Variants in PTTG1IP observed in about 807,000 individuals in gnomAD.
The protein encoded by PTTG1IP is PTTG1 interacting protein.
In PTTG1IP, 16 loss-of-function variants were observed where a neutral mutation model predicts 24.4. That is an observed-to-expected ratio of 0.66 (90% CI 0.44 to 1.00). PTTG1IP has a LOEUF of 1.00. Among genes scored for constraint, PTTG1IP ranks in the 50% least tolerant of loss-of-function variants. PTTG1IP has a pLI of 0.00. For synonymous variants in PTTG1IP, 89 were observed against 96.8 expected, an observed-to-expected ratio of 0.92 and a Z score of 0.47; for missense variants, 241 against 245.8, an observed-to-expected ratio of 0.98 and a Z score of 0.13.
intron 5 of PTTG1IP, among the ~76,000 whole-genome samples, chr21:44,853,963 G>A (rs939144879): frequency 2.0e-5 from 3 of 152,224 alleles, no homozygotes; most frequent in East Asian, 1.9e-4. Context: ...GTCACATGGA[G>A]GTGACTTTCC....
chr21:44,861,715 CCCT>C (rs911163320), intron 2 of PTTG1IP: 3 of 716,536 alleles, frequency 4.2e-6, no homozygotes, highest in Admixed American at 4.0e-5. Context: ...CGCCTCCACC[CCCT>C]CCTCCTCACC....
intron 4 of PTTG1IP, 100 bp downstream of exon 4, chr21:44,856,093 A>C: frequency 6.2e-7 from 1 of 1,607,076 alleles, no homozygotes. Context: ...AATTTCTAAA[A>C]ACTGAGGAAA....
intron 1 of PTTG1IP, among the ~76,000 whole-genome samples, chr21:44,867,237 T>G (rs1382758985): frequency 6.6e-6 from 1 of 152,244 alleles, no homozygotes; most frequent in Non-Finnish European, 1.5e-5. Context: ...TAGGCGGCTG[T>G]GCAATCACTA....
At chr21:44,854,433 T>C (rs966709563) in intron 5 of PTTG1IP, among the ~76,000 whole-genome samples, 6 of 151,928 alleles carry the variant, frequency 3.9e-5, no homozygotes, top group Non-Finnish European at 8.8e-5. Flanking sequence ...GTTCCCACCA[T>C]GTCCATGACG....
intron 5 of PTTG1IP, among the ~76,000 whole-genome samples, chr21:44,852,796 G>C (rs77774700): frequency 1.4e-3 from 206 of 152,302 alleles, no homozygotes; most frequent in African/African-American, 4.7e-3. Context: ...ACCAAAAGAA[G>C]GGTTTTTGCG....
At chr21:44,867,807 T>C (rs1160388612) in intron 1 of PTTG1IP, among the ~76,000 whole-genome samples, 2 of 152,098 alleles carry the variant, frequency 1.3e-5, no homozygotes, top group Non-Finnish European at 2.9e-5. Context: ...CATGATGAAA[T>C]GGAGGGAAAA....
At chr21:44,853,169 TGCGCGTGTGC>T (rs1175500808) in intron 5 of PTTG1IP, among the ~76,000 whole-genome samples, 3 of 151,998 alleles carry the variant, frequency 2.0e-5, no homozygotes, top group Non-Finnish European at 4.4e-5. Flanking sequence ...TGTGCGTGTG[TGCGCGTGTGC>T]GTGTGTGTGT....
rs142450794 is a variant in PTTG1IP at position 44,856,255 on chromosome 21, C to T, written c.387G>A (p.Pro129=). The T allele has an allele frequency of 1.6e-4, 251 of 1,614,134 alleles. 1 individual carries two copies. The African/African-American group carries it at 2.7e-3, about 18-fold the overall frequency. ...CCCRRKRSRK[P]DRSEEKAMRE... The stretch of plus-strand genomic sequence containing the variant: ...GCATGGCCTTCTCCTCACTCCTGTC[C>T]GGCTTCCGGCTCCTCTTCCTCCTGC... The change falls in exon 4 of 6, where the codon CCG becomes CCA. Residue 129 remains proline (P), a synonymous_variant. Coordinates refer to ENST00000330938, the MANE Select transcript of PTTG1IP (RefSeq NM_004339.4).
intron 1 of PTTG1IP, among the ~76,000 whole-genome samples, chr21:44,872,457 C>T (rs2083595029): frequency 6.6e-6 from 1 of 152,162 alleles, no homozygotes; most frequent in Admixed American, 6.6e-5. Context: ...GGGCCCAGGT[C>T]AACCCTAATT....
At chr21:44,858,984 T>G (rs191069483) in intron 3 of PTTG1IP, among the ~76,000 whole-genome samples, 1 of 152,234 alleles carries the variant, frequency 6.6e-6, no homozygotes, top group Admixed American at 6.5e-5. Flanking sequence ...AACACAAATA[T>G]GCTCCGTGAC....
intron 1 of PTTG1IP, among the ~76,000 whole-genome samples, chr21:44,870,074 G>A (rs2083571966): frequency 6.6e-6 from 1 of 152,202 alleles, no homozygotes; most frequent in Non-Finnish European, 1.5e-5. Context: ...AGGCATGAGA[G>A]GAAGAGGGAG....
chr21:44,867,152 G>C (rs1288128928), intron 1 of PTTG1IP, among the ~76,000 whole-genome samples: 1 of 152,200 alleles, frequency 6.6e-6, no homozygotes, highest in Non-Finnish European at 1.5e-5. Flanking sequence ...TGCGGCTCTC[G>C]TATCAAGGGA....
intron 2 of PTTG1IP, among the ~76,000 whole-genome samples, chr21:44,862,531 A>G (rs963414191): frequency 6.6e-6 from 1 of 152,170 alleles, no homozygotes; most frequent in African/African-American, 2.4e-5. Flanking sequence ...AAAGGAAAAA[A>G]AAAAGAACTG....
chr21:44,868,210 C>T (rs1440542073), intron 1 of PTTG1IP, among the ~76,000 whole-genome samples: 1 of 152,206 alleles, frequency 6.6e-6, no homozygotes, highest in East Asian at 1.9e-4. Context: ...GCACTGCTGA[C>T]GTTCCCAAGT....
chr21:44,867,937 G>A (rs182893), intron 1 of PTTG1IP, among the ~76,000 whole-genome samples: 57,585 of 152,156 alleles, frequency 0.38, 13,715 homozygotes, highest in African/African-American at 0.68. Context: ...CCACTTTTCT[G>A]AATAAATCTC....
At chr21:44,873,439 C>T (rs1468608364) in intron 1 of PTTG1IP, 63 bp downstream of exon 1, 3 of 1,251,614 alleles carry the variant, frequency 2.4e-6, no homozygotes, top group Non-Finnish European at 3.0e-6. Context: ...CGACCCCGAC[C>T]CCGACCTGGA....
intron 1 of PTTG1IP, among the ~76,000 whole-genome samples, chr21:44,868,630 AT>A (rs1231061392): frequency 6.6e-6 from 1 of 152,202 alleles, no homozygotes; most frequent in Admixed American, 6.5e-5. Flanking sequence ...AAAATAAATG[AT>A]AACAGTCATG....
At chr21:44,853,085 G>A (rs759454806) in intron 5 of PTTG1IP, among the ~76,000 whole-genome samples, 15 of 152,222 alleles carry the variant, frequency 9.9e-5, no homozygotes, top group Non-Finnish European at 1.5e-4. Flanking sequence ...CACACCCGCT[G>A]GGAGTCAGGG....
chr21:44,858,410 C>T (rs1042087742), intron 3 of PTTG1IP, among the ~76,000 whole-genome samples: 12 of 152,242 alleles, frequency 7.9e-5, no homozygotes, highest in Non-Finnish European at 1.2e-4. Flanking sequence ...ACTCTGCTCC[C>T]GTGGGCAAGG....
Sources: gnomAD v4.1 joint callset for allele counts (sites outside exome capture counted in the v4.1 genomes callset) on GRCh38, gnomAD v4.1.1 for gene constraint, MANE v1.5 for transcripts, NCBI Gene and HGNC (gene_info 2026-07-23, HGNC 2026-07-21) for gene names.